Variants in DLGAP2 observed in about 807,000 individuals in gnomAD.
The protein encoded by DLGAP2 is disks large-associated protein 2.
In DLGAP2, 26 loss-of-function variants were observed where a neutral mutation model predicts 100.3. The observed-to-expected ratio is 0.26, with a 90% CI of 0.19 to 0.36. The LOEUF (loss-of-function observed/expected upper bound fraction) is 0.36, where lower values mean the gene tolerates loss of function less well. Among genes scored for constraint, DLGAP2 ranks in the 10% least tolerant of loss-of-function variants. The pLI is 1.00. For missense variants in DLGAP2, 1,858 were observed against 1,453.2 expected (o/e 1.28, Z -4.53); for synonymous variants, 886 against 630.1 (o/e 1.41, Z -6.08).
At chr8:864,329 A>T (rs1170107097) in intron 1 of DLGAP2, among the ~76,000 whole-genome samples, 1 of 152,126 alleles carries the variant, frequency 6.6e-6, no homozygotes, top group East Asian at 1.9e-4. Flanking sequence ...AGAAGAAAAG[A>T]TTTGGAATGT....
In DLGAP2 at chr8:918,177, G is replaced by A. The variant is rs150288755; in HGVS notation, c.73+10211G>A. Among the ~76,000 whole-genome samples the A allele has an allele frequency of 9.4e-3, 1,437 of 152,272 alleles. 22 individuals are homozygous for A. Among genetic ancestry groups the A allele is most frequent in the African/African-American group, 0.032 (1,334 of 41,540 alleles). Reference sequence around the variant, plus strand: ...ATTCCGAAGGCATTCTTTCTGGTCTGTGTGGGTCTGTGTGCAGGAGACTGG... The same window carrying A: ...ATTCCGAAGGCATTCTTTCTGGTCTATGTGGGTCTGTGTGCAGGAGACTGG... On this transcript the variant is annotated intron_variant, in intron 2 of 14. Coordinates refer to ENST00000637795, the MANE Select transcript of DLGAP2 (RefSeq NM_001346810.2).
intron 3 of DLGAP2, among the ~76,000 whole-genome samples, chr8:1,368,343 A>G (rs1402982658): frequency 5.3e-5 from 8 of 151,296 alleles, no homozygotes; most frequent in Non-Finnish European, 8.8e-5. Context: ...GTGTGTGTGC[A>G]TGCGTGTGTA....
At chr8:1,435,708 A>T (rs1184335768) in intron 3 of DLGAP2, among the ~76,000 whole-genome samples, 4 of 151,808 alleles carry the variant, frequency 2.6e-5, no homozygotes, top group African/African-American at 9.7e-5. Context: ...GGAAGAAGGC[A>T]CTGTGGTCGT....
chr8:1,444,681 G>T (rs376783627), intron 3 of DLGAP2, among the ~76,000 whole-genome samples: 2 of 151,138 alleles, frequency 1.3e-5, no homozygotes, highest in Admixed American at 6.6e-5. Context: ...TTTTGACTCA[G>T]TGTCACCATC....
At chr8:1,369,572 C>T (rs1025566763) in intron 3 of DLGAP2, 3 of 152,216 alleles carry the variant, frequency 2.0e-5, no homozygotes, top group African/African-American at 7.2e-5. Context: ...TGTAAATTCT[C>T]GATGTGCCTG....
intron 7 of DLGAP2, among the ~76,000 whole-genome samples, chr8:1,632,560 GT>G (rs1395200308): frequency 6.6e-6 from 1 of 152,160 alleles, no homozygotes; most frequent in African/African-American, 2.4e-5. Flanking sequence ...TGTAATAACT[GT>G]CAGCCTTACC....
intron 5 of DLGAP2, among the ~76,000 whole-genome samples, chr8:1,561,117 A>C (rs1802143100): frequency 6.6e-6 from 1 of 152,054 alleles, no homozygotes; most frequent in Non-Finnish European, 1.5e-5. Context: ...GGTTTTTTAA[A>C]AGGGAGTTCC....
intron 3 of DLGAP2, among the ~76,000 whole-genome samples, chr8:1,501,024 G>C (rs1799704389): frequency 1.3e-5 from 2 of 152,102 alleles, no homozygotes; most frequent in African/African-American, 4.8e-5. Flanking sequence ...AATTAGAGTG[G>C]ACTGATTTTA....
intron 2 of DLGAP2, among the ~76,000 whole-genome samples, chr8:1,128,474 G>A (rs1331630365): frequency 6.6e-6 from 1 of 152,188 alleles, no homozygotes; most frequent in Non-Finnish European, 1.5e-5. Flanking sequence ...ACAGACCCTC[G>A]CCACTGTGTT....
intron 2 of DLGAP2, among the ~76,000 whole-genome samples, chr8:1,180,506 T>C (rs530631935): frequency 6.6e-6 from 1 of 152,346 alleles, no homozygotes; most frequent in South Asian, 2.1e-4. Flanking sequence ...TAGTCTTCTG[T>C]GTTGCATCAC....
intron 2 of DLGAP2, among the ~76,000 whole-genome samples, chr8:1,191,465 C>A (rs765683164): frequency 1.3e-5 from 2 of 152,202 alleles, no homozygotes; most frequent in Admixed American, 6.5e-5. Context: ...CCACCGCGCC[C>A]AGCCGATACG....
At chr8:1,297,519 C>G (rs902313207) in intron 3 of DLGAP2, among the ~76,000 whole-genome samples, 2 of 144,630 alleles carry the variant, frequency 1.4e-5, no homozygotes, top group African/African-American at 5.1e-5. Context: ...CATGAACAGA[C>G]ACCACGTGAG....
chr8:1,522,929 C>G (rs987667806), intron 4 of DLGAP2, among the ~76,000 whole-genome samples: 1 of 152,082 alleles, frequency 6.6e-6, no homozygotes, highest in East Asian at 1.9e-4. Flanking sequence ...AGCTTTTTAC[C>G]TGGGTGACAG....
At chr8:1,357,182 G>T (rs576789047) in intron 3 of DLGAP2, among the ~76,000 whole-genome samples, 2 of 152,206 alleles carry the variant, frequency 1.3e-5, no homozygotes, top group East Asian at 3.9e-4. Flanking sequence ...AGCCGCTGGG[G>T]ATCTCAGTCG....
intron 5 of DLGAP2, among the ~76,000 whole-genome samples, chr8:1,555,294 G>A (rs1003160485): frequency 8.5e-5 from 13 of 152,122 alleles, no homozygotes; most frequent in Non-Finnish European, 1.2e-4. Flanking sequence ...CATCCATCCA[G>A]TGTGAGTCCT....
chr8:1,329,980 T>C (rs1439581786), intron 3 of DLGAP2, among the ~76,000 whole-genome samples: 1 of 152,240 alleles, frequency 6.6e-6, no homozygotes, highest in South Asian at 2.1e-4. Flanking sequence ...CTTGTCTGAC[T>C]GTGGCTGGGA....
chr8:1,065,269 G>T (rs1803210734), intron 2 of DLGAP2, among the ~76,000 whole-genome samples: 2 of 152,198 alleles, frequency 1.3e-5, no homozygotes, highest in Non-Finnish European at 2.9e-5. Context: ...ATTAGGTCAT[G>T]ATTTTATTCA....
chr8:1,546,351 G>T (rs1264401646), intron 4 of DLGAP2, among the ~76,000 whole-genome samples: 2 of 152,316 alleles, frequency 1.3e-5, no homozygotes, highest in South Asian at 2.1e-4. Flanking sequence ...CTTGCTGTCA[G>T]TCTCTCGGGA....
chr8:1,181,821 T>C (rs17065738), intron 2 of DLGAP2, among the ~76,000 whole-genome samples: 24,057 of 152,056 alleles, frequency 0.16, 4,309 homozygotes, highest in African/African-American at 0.44. Flanking sequence ...CGCAGAAGGC[T>C]ATGAGTGACA....
Sources: allele counts gnomAD v4.1 joint callset (sites outside exome capture counted in the v4.1 genomes callset), GRCh38; gene constraint gnomAD v4.1.1; transcripts MANE v1.5; gene names NCBI Gene and HGNC (gene_info 2026-07-23, HGNC 2026-07-21).